The following BTRC variants were observed in gnomAD, a reference collection of about 807,000 sequenced individuals.
BTRC encodes beta-transducin repeat containing E3 ubiquitin protein ligase.
In BTRC, 42 loss-of-function variants were observed where a neutral mutation model predicts 85.5. The ratio of observed to expected loss-of-function variants is 0.49; its 90% CI spans 0.38 to 0.64. BTRC has a LOEUF of 0.64. Among genes scored for constraint, BTRC ranks in the 30% least tolerant of loss-of-function variants. The pLI, the probability that BTRC is intolerant of heterozygous loss-of-function variation, is 0.00. For missense variants in BTRC, 594 were observed against 743.5 expected, an observed-to-expected ratio of 0.80 and a Z score of 2.34; for synonymous variants, 255 against 263.3, an observed-to-expected ratio of 0.97 and a Z score of 0.30.
rs576391296 is a variant in BTRC, at chr10:101,381,550, A to G, written c.48+27322A>G. ...TATGTGAACTGTAGAATTAGCATGCACCTTAGAGTAGGTATTTTATAGTTT... is the reference window on the plus strand; with the variant it reads ...TATGTGAACTGTAGAATTAGCATGCGCCTTAGAGTAGGTATTTTATAGTTT... On this transcript the variant is annotated intron_variant, in intron 1 of 14. Coordinates refer to ENST00000370187, the MANE Select transcript of BTRC (RefSeq NM_033637.4). Among the ~76,000 whole-genome samples the G allele has an allele frequency of 3.1e-4, 47 of 152,294 alleles. 1 individual carries two copies. The highest frequency in any genetic ancestry group is 1.1e-3 in the African/African-American group (44 of 41,562).
intron 3 of BTRC, among the ~76,000 whole-genome samples, chr10:101,471,570 C>T (rs1390166784): frequency 1.3e-5 from 2 of 152,216 alleles, no homozygotes; most frequent in East Asian, 3.9e-4. Flanking sequence ...GTTTTGGTAT[C>T]AGAGTTATGC....
In BTRC at chr10:101,423,222, G is replaced by A. The variant is rs535996562; in HGVS notation, c.49-7123G>A. ...AGCCACCTTGCCTGACCCTCTCTGG[G>A]TCTTATTTACCTTACTAGTTTATTA... is the stretch of plus-strand genomic sequence containing the variant. On this transcript the variant is annotated intron_variant, in intron 1 of 14. Coordinates refer to ENST00000370187, the MANE Select transcript of BTRC (RefSeq NM_033637.4). Among the ~76,000 whole-genome samples the A allele has an allele frequency of 7.9e-5, 12 of 152,138 alleles. No homozygotes were observed. The South Asian group carries it at 2.5e-3, about 32-fold the overall frequency.
chr10:101,555,421 G>T lies in BTRC; in HGVS notation c.*2298G>T, dbSNP rs4919552. The stretch of plus-strand genomic sequence containing the variant: ...AGTACATCACAAAGGAGATCGGGGC[G>T]ACCCCTGCAGATGTGGAGCCATTAG... On this transcript the variant is annotated 3_prime_UTR_variant, in exon 15 of 15. Coordinates refer to ENST00000370187, the MANE Select transcript of BTRC (RefSeq NM_033637.4). The T allele has an allele frequency of 6.6e-6, 1 of 152,590 alleles. No individual in the cohort carries two copies. Among genetic ancestry groups the T allele is most frequent in the South Asian group, 2.1e-4 (1 of 4,822 alleles). The allele number at this position is 152,590 out of a possible 1,614,324, so 9.5% of individuals were successfully genotyped here. A position where few individuals can be genotyped will look rare whatever the true frequency, so the allele number is the denominator to read the frequency against.
chr10:101,433,162 A>T (rs1443958898), intron 2 of BTRC, among the ~76,000 whole-genome samples: 1 of 152,162 alleles, frequency 6.6e-6, no homozygotes, highest in Non-Finnish European at 1.5e-5. Context: ...TTCACTACAC[A>T]GGGGTCATGG....
intron 1 of BTRC, among the ~76,000 whole-genome samples, chr10:101,403,042 G>A (rs1452611112): frequency 6.6e-6 from 1 of 151,860 alleles, no homozygotes; most frequent in Non-Finnish European, 1.5e-5. Context: ...TTAAAAGCAG[G>A]GACTCATTTA....
intron 1 of BTRC, among the ~76,000 whole-genome samples, chr10:101,372,892 C>T (rs1261339794): frequency 6.6e-6 from 1 of 151,948 alleles, no homozygotes; most frequent in African/African-American, 2.4e-5. Flanking sequence ...AGTCAGTTTC[C>T]ACAAAACATA....
At chr10:101,441,073 G>A (rs1375902495) in intron 2 of BTRC, among the ~76,000 whole-genome samples, 1 of 152,180 alleles carries the variant, frequency 6.6e-6, no homozygotes, top group Non-Finnish European at 1.5e-5. Context: ...TCTTGACTCA[G>A]TGGGGGAGTT....
chr10:101,516,331 T>A (rs1163360527), intron 4 of BTRC, among the ~76,000 whole-genome samples: 1 of 152,178 alleles, frequency 6.6e-6, no homozygotes, highest in East Asian at 1.9e-4. Flanking sequence ...AGAATTAGAC[T>A]CAGAAGGATC....
At chr10:101,366,498 TAAAG>T (rs995530114) in intron 1 of BTRC, among the ~76,000 whole-genome samples, 10 of 151,730 alleles carry the variant, frequency 6.6e-5, no homozygotes, top group Admixed American at 5.9e-4. Flanking sequence ...TAAATTGAGT[TAAAG>T]GAAGGAGAAA....
At chr10:101,490,449 C>G (rs531943164) in intron 4 of BTRC, among the ~76,000 whole-genome samples, 1 of 152,180 alleles carries the variant, frequency 6.6e-6, no homozygotes, top group Admixed American at 6.5e-5. Context: ...AAACGAGGAA[C>G]GAGAAGCTTA....
intron 1 of BTRC, among the ~76,000 whole-genome samples, chr10:101,424,927 G>T (rs1489429020): frequency 6.6e-6 from 1 of 152,138 alleles, no homozygotes; most frequent in Non-Finnish European, 1.5e-5. Context: ...AGTACCCATA[G>T]GTAGTTTTTT....
intron 4 of BTRC, among the ~76,000 whole-genome samples, chr10:101,497,930 G>A (rs1440370730): frequency 1.3e-5 from 2 of 151,322 alleles, no homozygotes; most frequent in Non-Finnish European, 2.9e-5. Context: ...TGAGGCAGGA[G>A]AATTGCTTGA....
chr10:101,390,789 A>G (rs1019965492), intron 1 of BTRC, among the ~76,000 whole-genome samples: 7 of 152,080 alleles, frequency 4.6e-5, no homozygotes, highest in African/African-American at 1.7e-4. Flanking sequence ...AAGAAAGAAA[A>G]ACAACAACTT....
At chr10:101,541,420 C>T (rs183661778) in intron 13 of BTRC, among the ~76,000 whole-genome samples, 68 of 152,214 alleles carry the variant, frequency 4.5e-4, no homozygotes, top group African/African-American at 1.5e-3. Flanking sequence ...CCACCATGCC[C>T]GGCTGATTTT....
At chr10:101,381,615 A>C (rs186339718) in intron 1 of BTRC, among the ~76,000 whole-genome samples, 1 of 152,128 alleles carries the variant, frequency 6.6e-6, no homozygotes, top group Non-Finnish European at 1.5e-5. Context: ...CTTATTTTTG[A>C]GAAATATAAT....
At chr10:101,532,798 G>GCGCT in intron 8 of BTRC, among the ~76,000 whole-genome samples, 154 bp from the exon 9 acceptor site, 1 of 16,636 alleles carries the variant, frequency 6.0e-5, no homozygotes, top group South Asian at 2.9e-3. Context: ...GTGCGCGTGT[G>GCGCT]CGCGCGCGCG....
At chr10:101,502,333 T>C (rs535908399) in intron 4 of BTRC, among the ~76,000 whole-genome samples, 3 of 152,112 alleles carry the variant, frequency 2.0e-5, no homozygotes, top group South Asian at 2.1e-4. Flanking sequence ...TGTTCTTCCT[T>C]CCCTGAAGTT....
intron 1 of BTRC, among the ~76,000 whole-genome samples, chr10:101,395,685 AAATT>A (rs1943345693): frequency 6.6e-6 from 1 of 152,140 alleles, no homozygotes. Flanking sequence ...TTTGATTAAT[AAATT>A]ATATTTTTCA....
intron 3 of BTRC, among the ~76,000 whole-genome samples, chr10:101,474,863 C>T (rs1251026455): frequency 6.6e-6 from 1 of 152,142 alleles, no homozygotes; most frequent in Admixed American, 6.5e-5. Context: ...TCTCCAGTGC[C>T]TTTATGTAGC....
Sources: gnomAD v4.1 joint callset for allele counts (sites outside exome capture counted in the v4.1 genomes callset) on GRCh38, gnomAD v4.1.1 for gene constraint, MANE v1.5 for transcripts, NCBI Gene and HGNC (gene_info 2026-07-23, HGNC 2026-07-21) for gene names.